CNTN4: variants seen among roughly 807,000 people sequenced by gnomAD.
The protein encoded by CNTN4 is contactin-4.
CNTN4 carries 77 observed loss-of-function variants against 122.5 expected under a neutral mutation model. The ratio of observed to expected loss-of-function variants is 0.63; its 90% CI spans 0.52 to 0.76. The LOEUF is 0.76. Among genes scored for constraint, CNTN4 ranks in the 30% least tolerant of loss-of-function variants. The probability of loss-of-function intolerance (pLI) is 0.00; values close to 1 mark genes in which losing one functional copy is unlikely to be tolerated. For synonymous variants in CNTN4, 512 were observed against 447.0 expected, an observed-to-expected ratio of 1.15 and a Z score of -1.83; for missense variants, 1,256 against 1,259.1, an observed-to-expected ratio of 1.00 and a Z score of 0.04.
chr3:2,834,916 T>TTTTTTTG, intron 7 of CNTN4, among the ~76,000 whole-genome samples: 1 of 133,132 alleles, frequency 7.5e-6, no homozygotes. Flanking sequence ...TTTTTTTTTT[T>TTTTTTTG]TTTTTTGAGA....
At chr3:2,119,530 A>T (rs543431177) in intron 2 of CNTN4, among the ~76,000 whole-genome samples, 1 of 152,344 alleles carries the variant, frequency 6.6e-6, no homozygotes, top group East Asian at 1.9e-4. Flanking sequence ...ATGTTTCCCC[A>T]GGCATTGGGC....
At chr3:2,504,268 C>G (rs1004889778) in intron 3 of CNTN4, among the ~76,000 whole-genome samples, 2 of 152,146 alleles carry the variant, frequency 1.3e-5, no homozygotes, top group Non-Finnish European at 2.9e-5. Flanking sequence ...TTTATCCTGA[C>G]AATTTCCCTC....
At chr3:2,596,834 G>A (rs976276401) in intron 4 of CNTN4, among the ~76,000 whole-genome samples, 7 of 152,138 alleles carry the variant, frequency 4.6e-5, no homozygotes, top group African/African-American at 1.4e-4. Flanking sequence ...GCTATGTGCT[G>A]AGTGTTTTTT....
chr3:3,008,993 C>A (rs952395526), intron 14 of CNTN4: 1 of 985,160 alleles, frequency 1.0e-6, no homozygotes, highest in African/African-American at 1.7e-5. Context: ...GAATCACCAG[C>A]GTCTTTCTTG....
intron 2 of CNTN4, among the ~76,000 whole-genome samples, chr3:2,203,720 C>G (rs1172373432): frequency 6.6e-6 from 1 of 152,088 alleles, no homozygotes; most frequent in African/African-American, 2.4e-5. Flanking sequence ...AGAGAAAAAG[C>G]TAGAACATAT....
chr3:2,145,070 C>T (rs2035182204), intron 2 of CNTN4, among the ~76,000 whole-genome samples: 1 of 152,144 alleles, frequency 6.6e-6, no homozygotes. Context: ...CTCTGGTGCT[C>T]TGGGCTTCTT....
chr3:2,762,047 A>G (rs9682558), intron 6 of CNTN4, among the ~76,000 whole-genome samples: 65,363 of 152,028 alleles, frequency 0.43, 16,044 homozygotes, highest in Non-Finnish European at 0.57. Context: ...AATGAACTAG[A>G]CAGATATGAA....
At chr3:2,577,018 G>A (rs1272396866) in intron 4 of CNTN4, among the ~76,000 whole-genome samples, 1 of 152,180 alleles carries the variant, frequency 6.6e-6, no homozygotes, top group Non-Finnish European at 1.5e-5. Context: ...GTAGATAAAT[G>A]CCTCTGTCTC....
intron 6 of CNTN4, among the ~76,000 whole-genome samples, chr3:2,784,279 C>T (rs1251233858): frequency 6.6e-6 from 1 of 152,168 alleles, no homozygotes; most frequent in Non-Finnish European, 1.5e-5. Flanking sequence ...ATGTGTTCTC[C>T]CTTACCGCCT....
chr3:2,415,351 G>A (rs1000122694), intron 3 of CNTN4, among the ~76,000 whole-genome samples: 1 of 152,148 alleles, frequency 6.6e-6, no homozygotes, highest in Admixed American at 6.5e-5. Context: ...CTCTGTGTAA[G>A]AGAACCATAA....
At chr3:2,973,322 T>A (rs1016259005) in intron 13 of CNTN4, among the ~76,000 whole-genome samples, 7 of 151,922 alleles carry the variant, frequency 4.6e-5, no homozygotes, top group Non-Finnish European at 1.0e-4. Context: ...CTTAAGCACA[T>A]AGCAGGCTTT....
chr3:2,503,822 A>C (rs2076661798), intron 3 of CNTN4, among the ~76,000 whole-genome samples: 1 of 152,138 alleles, frequency 6.6e-6, no homozygotes, highest in Admixed American at 6.6e-5. Context: ...TGGAATATAA[A>C]GCATAAATCA....
At chr3:2,570,554 C>A (rs2079378087) in intron 3 of CNTN4, among the ~76,000 whole-genome samples, 3 of 152,154 alleles carry the variant, frequency 2.0e-5, no homozygotes, top group African/African-American at 4.8e-5. Context: ...TTCAACTTTT[C>A]TTTGAAAAGT....
At chr3:2,193,050 A>C (rs1403747279) in intron 2 of CNTN4, among the ~76,000 whole-genome samples, 1 of 152,086 alleles carries the variant, frequency 6.6e-6, no homozygotes, top group Non-Finnish European at 1.5e-5. Flanking sequence ...CCATGGGAAG[A>C]CCCAATCTTT....
chr3:2,714,865 G>T (rs190495701), intron 4 of CNTN4, among the ~76,000 whole-genome samples: 1 of 152,260 alleles, frequency 6.6e-6, no homozygotes, highest in Non-Finnish European at 1.5e-5. Context: ...GGCCCCCAAA[G>T]CTCTGGGGTT....
At chr3:2,463,173 A>G (rs1237608589) in intron 3 of CNTN4, among the ~76,000 whole-genome samples, 1 of 152,182 alleles carries the variant, frequency 6.6e-6, no homozygotes, top group African/African-American at 2.4e-5. Context: ...GATATAAATG[A>G]AATAGAAGGC....
chr3:2,749,701 C>T (rs2089994169), intron 6 of CNTN4, among the ~76,000 whole-genome samples: 1 of 152,072 alleles, frequency 6.6e-6, no homozygotes, highest in African/African-American at 2.4e-5. Flanking sequence ...TTTTTATATA[C>T]CCAAACCCAC....
intron 2 of CNTN4, among the ~76,000 whole-genome samples, chr3:2,149,806 G>A (rs2035413316): frequency 6.6e-6 from 1 of 152,026 alleles, no homozygotes; most frequent in Non-Finnish European, 1.5e-5. Context: ...GCAACTACAG[G>A]TTGTGTAGTT....
At chr3:2,778,387 T>G (rs1576756227) in intron 6 of CNTN4, among the ~76,000 whole-genome samples, 2 of 133,410 alleles carry the variant, frequency 1.5e-5, no homozygotes, top group African/African-American at 5.2e-5. Flanking sequence ...AAAATTAAAT[T>G]ATGTTCTCAA....
Sources: gnomAD v4.1 joint callset for allele counts (sites outside exome capture counted in the v4.1 genomes callset) on GRCh38, gnomAD v4.1.1 for gene constraint, MANE v1.5 for transcripts, NCBI Gene and HGNC (gene_info 2026-07-23, HGNC 2026-07-21) for gene names.